Variants in RIPOR3 observed in about 807,000 individuals in gnomAD.
The protein encoded by RIPOR3 is family with sequence similarity 65 member C.
In RIPOR3, 95 loss-of-function variants were observed where a neutral mutation model predicts 114.3. The ratio of observed to expected loss-of-function variants is 0.83; its 90% CI spans 0.70 to 0.99. The LOEUF (loss-of-function observed/expected upper bound fraction) is 0.99. Ranked by LOEUF, RIPOR3 falls within the 50% of genes least tolerant of loss-of-function variation. The probability of loss-of-function intolerance (pLI) is 0.00; values close to 1 mark genes in which losing one functional copy is unlikely to be tolerated. For synonymous variants in RIPOR3, 575 were observed against 543.8 expected (o/e 1.06, Z -0.80); for missense variants, 1,252 against 1,266.9 (o/e 0.99, Z 0.18).
In RIPOR3 at chr20:50,602,700, C is replaced by T. The variant is rs911979605; in HGVS notation, c.1087-56G>A. ...AGCCACCCCAGGGACCACAGCAAGT[C>T]CCCCAGAGGGGCTTCCCCTGACAGA... On this transcript the variant is annotated intron_variant, in intron 12 of 21. Coordinates refer to ENST00000327979, the MANE Select transcript of RIPOR3 (RefSeq NM_001290268.2). This position sits in a 1 kb window ranked among gnomAD's most constrained non-coding sequence, Gnocchi z 4.3. 7 of 1,331,086 alleles carry T rather than the reference C, an allele frequency of 5.3e-6. No individual in the cohort carries two copies. The highest frequency in any genetic ancestry group is 6.9e-6 in the Non-Finnish European group (7 of 1,016,670). 82.5% of individuals were successfully genotyped at this position (1,331,086 alleles called of 1,614,324 possible).
chr20:50,691,356 G>A lies in RIPOR3; in HGVS notation c.-228C>T, dbSNP rs2087208427. On this transcript the variant is annotated 5_prime_UTR_variant, in exon 1 of 22. Coordinates refer to ENST00000327979, the MANE Select transcript of RIPOR3 (RefSeq NM_001290268.2). ...CGAGTCTTCCTTCTGGTGCAGGGAGGCCGGTGCCCTGCCGGGCTCTGATAA... is the reference window on the plus strand; with the variant it reads ...CGAGTCTTCCTTCTGGTGCAGGGAGACCGGTGCCCTGCCGGGCTCTGATAA... 1.0e-5 allele frequency: 4 copies of A among 397,708 alleles called. No individual in the cohort carries two copies. The highest frequency in any genetic ancestry group is 8.4e-5 in the South Asian group (4 of 47,774). 24.6% of individuals were successfully genotyped at this position (397,708 alleles called of 1,614,324 possible). A position where few individuals can be genotyped will look rare whatever the true frequency, so the allele number is the denominator to read the frequency against.
chr20:50,593,512 AGTG>A (rs1289876996), intron 17 of RIPOR3, among the ~76,000 whole-genome samples: 1 of 152,008 alleles, frequency 6.6e-6, no homozygotes, highest in African/African-American at 2.4e-5. Flanking sequence ...TGGAGGTTGT[AGTG>A]AGCCAAGATT....
intron 1 of RIPOR3, among the ~76,000 whole-genome samples, chr20:50,680,353 G>C (rs926138136): frequency 6.6e-6 from 1 of 152,212 alleles, no homozygotes; most frequent in African/African-American, 2.4e-5. Context: ...CGGGTTTCAC[G>C]GTTGGGGGTG....
rs900713457 is a variant in RIPOR3 at position 50,601,966 on chromosome 20, G to T, written c.1659+106C>A. 6 of 1,147,440 alleles carry T rather than the reference G, an allele frequency of 5.2e-6. No individual in the cohort carries two copies. The Admixed American group carries it at 8.8e-5, about 17-fold the overall frequency. 71.1% of individuals were successfully genotyped at this position (1,147,440 alleles called of 1,614,324 possible). A position where few individuals can be genotyped will look rare whatever the true frequency, so the allele number is the denominator to read the frequency against. On this transcript the variant is annotated intron_variant, in intron 13 of 21. Coordinates refer to ENST00000327979, the MANE Select transcript of RIPOR3 (RefSeq NM_001290268.2). ...CACGGCCCACCCAGGTCACGCAGAG[G>T]TGAGGCCAGGATGTCGGCCCAGGCT...
At chr20:50,638,528 C>A (rs1411744479) in intron 1 of RIPOR3, among the ~76,000 whole-genome samples, 1 of 152,206 alleles carries the variant, frequency 6.6e-6, no homozygotes, top group African/African-American at 2.4e-5. Context: ...CTCCCACCAG[C>A]CATGCCAGGG....
At chr20:50,634,261 C>T (rs1600642523) in intron 1 of RIPOR3, among the ~76,000 whole-genome samples, 1 of 152,074 alleles carries the variant, frequency 6.6e-6, no homozygotes, top group South Asian at 2.1e-4. Flanking sequence ...GGATTATAGC[C>T]GTGAGCCACC....
intron 1 of RIPOR3, among the ~76,000 whole-genome samples, chr20:50,673,715 G>A (rs1221187490): frequency 5.3e-5 from 8 of 152,136 alleles, no homozygotes; most frequent in Non-Finnish European, 1.2e-4. Flanking sequence ...CCCCTATCAG[G>A]CCCCAGTCCG....
chr20:50,596,253 G>A lies in RIPOR3; in HGVS notation c.1801C>T (p.Pro601Ser), dbSNP rs1308662017. ...TTCAGTGATGACGGTGGGGGCAGGG[G>A]CCGGTCCTTTCTGAGTTGAATTGAG... ...GGSQGLRKDR[P>S]LPPPSSLKAS... Residue 601 changes from proline to serine, a missense_variant, in exon 15 of 22, where the codon CCC becomes TCC. By Grantham distance (74) the Pro-to-Ser change is moderately conservative. Coordinates refer to ENST00000327979, the MANE Select transcript of RIPOR3 (RefSeq NM_001290268.2). 6.2e-7 allele frequency: 1 copy of A among 1,614,128 alleles called. No homozygotes were observed. The highest frequency in any genetic ancestry group is 8.5e-7 in the Non-Finnish European group (1 of 1,180,026).
rs1568828446 is a variant in RIPOR3, at chr20:50,597,684, GGTGTGCTCCTGCC to G, written c.1673_1685del (p.Arg558ProfsTer6). ...TGCACTCCATCAGGCTCTCGGCCGA[GGTGTGCTCCTGCC>G]GTGCTCTGCAGGGCTGTGGACGAAG... On this transcript the variant is annotated frameshift_variant, in exon 14 of 22. Coordinates refer to ENST00000327979, the MANE Select transcript of RIPOR3 (RefSeq NM_001290268.2). LOFTEE classifies it high-confidence loss of function. The G allele has an allele frequency of 6.2e-7, 1 of 1,611,982 alleles. No individual in the cohort carries two copies. Among genetic ancestry groups the G allele is most frequent in the South Asian group, 1.1e-5 (1 of 90,690 alleles).
intron 2 of RIPOR3, among the ~76,000 whole-genome samples, chr20:50,624,327 G>A (rs2084538926): frequency 6.6e-6 from 1 of 152,144 alleles, no homozygotes; most frequent in Non-Finnish European, 1.5e-5. Context: ...GAGAGGTTAG[G>A]GACCCCGGCA....
Position 50,597,661 on chromosome 20 carries a change from C to T in RIPOR3, c.1709G>A (p.Cys570Tyr). The T allele has an allele frequency of 1.2e-6, 2 of 1,612,160 alleles. No homozygotes were observed. The highest frequency in any genetic ancestry group is 2.2e-5 in the East Asian group (1 of 44,770). ...EHTSAESLMECILESFAFLNA... is the reference protein window; with the variant it reads ...EHTSAESLMEYILESFAFLNA... ...GAGGAAGGCGAAGCTCTCCAGGATG[C>T]ACTCCATCAGGCTCTCGGCCGAGGT... The change falls in exon 14 of 22, where the codon TGC becomes TAC. Residue 570 changes from cysteine (C) to tyrosine (Y), a missense_variant. By Grantham distance (194) the Cys-to-Tyr change is radical (BLOSUM62 -2). Coordinates refer to ENST00000327979, the MANE Select transcript of RIPOR3 (RefSeq NM_001290268.2).
At chr20:50,689,496 C>T (rs952816800) in intron 1 of RIPOR3, among the ~76,000 whole-genome samples, 1 of 152,160 alleles carries the variant, frequency 6.6e-6, no homozygotes, top group African/African-American at 2.4e-5. Flanking sequence ...CTTGATCTTA[C>T]TCTCAGACAT....
At chr20:50,659,236 T>A (rs1220724676) in intron 1 of RIPOR3, among the ~76,000 whole-genome samples, 2 of 152,180 alleles carry the variant, frequency 1.3e-5, no homozygotes. Flanking sequence ...GGTGGACACA[T>A]GTGCTTGTTG....
Position 50,587,744 on chromosome 20 carries a change from G to A in RIPOR3, c.2752+58C>T, listed in dbSNP as rs866388755. ...CTGGGAGAGCTGGGTGTGGCCTCTCGCAGATTCTAAGGGCCCCAGGCACCC... is the reference window on the plus strand; with the variant it reads ...CTGGGAGAGCTGGGTGTGGCCTCTCACAGATTCTAAGGGCCCCAGGCACCC... On this transcript the variant is annotated intron_variant, in intron 21 of 21. Transcript: ENST00000327979. 1.7e-4 allele frequency: 269 copies of A among 1,546,020 alleles called. No individual in the cohort carries two copies. The Middle Eastern group carries it at 4.7e-3, about 27-fold the overall frequency.
intron 4 of RIPOR3, among the ~76,000 whole-genome samples, chr20:50,614,074 C>T (rs919823561): frequency 3.9e-5 from 6 of 152,188 alleles, no homozygotes; most frequent in Admixed American, 3.3e-4. Context: ...CTGGCTCTAT[C>T]GTCCAGGCTG....
chr20:50,637,661 G>A (rs1279388790), intron 1 of RIPOR3, among the ~76,000 whole-genome samples: 1 of 152,122 alleles, frequency 6.6e-6, no homozygotes, highest in Non-Finnish European at 1.5e-5. Context: ...GATCACCTGA[G>A]GTCAGGAGTT....
chr20:50,636,543 G>A lies in RIPOR3; in HGVS notation c.4-5687C>T, dbSNP rs2084992578. 6.1e-6 allele frequency: 6 copies of A among 985,030 alleles called. No homozygotes were observed. In the South Asian group the frequency reaches 2.8e-4, roughly 46 times the overall value. 61.0% of individuals were successfully genotyped at this position (985,030 alleles called of 1,614,324 possible). On this transcript the variant is annotated intron_variant, in intron 1 of 21. Transcript: ENST00000327979. ...TGCAGAGACCCTGCTGGGCCCCAGG[G>A]CAGAGAAGGGAGGCACAGAGTCATG...
intron 1 of RIPOR3, among the ~76,000 whole-genome samples, chr20:50,652,609 AAAAAGAAAAG>A (rs1398599738): frequency 1.2e-4 from 17 of 146,802 alleles, no homozygotes; most frequent in African/African-American, 3.8e-4. Context: ...AAAAAAAAAA[AAAAAGAAAAG>A]AAAAGAAAAG....
chr20:50,686,706 G>C (rs1428182873), intron 1 of RIPOR3, among the ~76,000 whole-genome samples: 4 of 150,414 alleles, frequency 2.7e-5, no homozygotes, highest in Non-Finnish European at 5.9e-5. Context: ...AGCTGAGATC[G>C]CACCACTGCA....
Sources: allele counts gnomAD v4.1 joint callset (sites outside exome capture counted in the v4.1 genomes callset), GRCh38; gene constraint gnomAD v4.1.1; non-coding constraint Gnocchi (gnomAD v3.1); transcripts MANE v1.5; gene names NCBI Gene and HGNC (gene_info 2026-07-23, HGNC 2026-07-21).